ETFDH: variants seen among roughly 807,000 people sequenced by gnomAD.
ETFDH encodes the protein electron transfer flavoprotein-ubiquinone oxidoreductase, mitochondrial.
In ETFDH, 61 loss-of-function variants were observed where a neutral mutation model predicts 73.2. The observed-to-expected ratio is 0.83, with a 90% CI of 0.68 to 1.03. The LOEUF (loss-of-function observed/expected upper bound fraction) is 1.03. Ranked by LOEUF, ETFDH falls within the 50% of genes least tolerant of loss-of-function variation. The probability of loss-of-function intolerance (pLI) is 0.00; values close to 1 mark genes in which losing one functional copy is unlikely to be tolerated. For synonymous variants in ETFDH, 243 were observed against 253.3 expected, an observed-to-expected ratio of 0.96 and a Z score of 0.39; for missense variants, 685 against 745.0, an observed-to-expected ratio of 0.92 and a Z score of 0.94.
intron 1 of ETFDH, among the ~76,000 whole-genome samples, chr4:158,675,372 A>G (rs999214143): frequency 2.0e-5 from 3 of 152,146 alleles, no homozygotes; most frequent in African/African-American, 7.2e-5. Flanking sequence ...ATCAGTATTC[A>G]ATTTCTTCTT....
At chr4:158,688,365 C>A (rs34507326) in intron 5 of ETFDH, among the ~76,000 whole-genome samples, 3 of 141,992 alleles carry the variant, frequency 2.1e-5, no homozygotes, top group Admixed American at 1.4e-4. Flanking sequence ...GCACTCCAGC[C>A]TGGCAACAGA....
intron 5 of ETFDH, among the ~76,000 whole-genome samples, chr4:158,687,996 T>G (rs1774050149): frequency 6.6e-6 from 1 of 151,988 alleles, no homozygotes; most frequent in African/African-American, 2.4e-5. Context: ...GCCGAGATCA[T>G]GCCACTGCAC....
intron 6 of ETFDH, among the ~76,000 whole-genome samples, chr4:158,694,332 C>T (rs1359061756): frequency 6.6e-6 from 1 of 152,206 alleles, no homozygotes; most frequent in Non-Finnish European, 1.5e-5. Flanking sequence ...ATGGCTCACA[C>T]TTGTAATCCC....
At chr4:158,692,131 C>A (rs918602660) in intron 6 of ETFDH, among the ~76,000 whole-genome samples, 1 of 152,130 alleles carries the variant, frequency 6.6e-6, no homozygotes, top group African/African-American at 2.4e-5. Flanking sequence ...CAGTGGCTCA[C>A]GCCTGTAATC....
rs1202866591 is a variant in ETFDH at position 158,708,771 on chromosome 4, A to G, written c.*244A>G. ...TCAGTTCTTCAGAGATTCAGTACCA[A>G]GAGCAAAATTCACTACTGGACTTTA... On this transcript the variant is annotated 3_prime_UTR_variant, in exon 13 of 13. Transcript: ENST00000511912. 3 of 447,096 alleles carry G rather than the reference A, an allele frequency of 6.7e-6. No homozygotes were observed. Among genetic ancestry groups the G allele is most frequent in the Non-Finnish European group, 1.2e-5 (3 of 247,582 alleles). 27.7% of individuals were successfully genotyped at this position (447,096 alleles called of 1,614,324 possible). A position where few individuals can be genotyped will look rare whatever the true frequency, so the allele number is the denominator to read the frequency against.
intron 5 of ETFDH, among the ~76,000 whole-genome samples, chr4:158,685,634 T>C: frequency 6.6e-6 from 1 of 152,128 alleles, no homozygotes; most frequent in East Asian, 1.9e-4. Flanking sequence ...AGGGGTGGTA[T>C]AGGAGTTAAG....
intron 5 of ETFDH, 96 bp from the exon 6 acceptor site, chr4:158,690,252 T>G (rs191131834): frequency 1.3e-6 from 1 of 750,462 alleles, no homozygotes; most frequent in Non-Finnish European, 2.4e-6. Flanking sequence ...CTAGAGAAGA[T>G]GTTCACCTTC....
At chr4:158,692,888 A>AAAT (rs1554032445) in intron 6 of ETFDH, among the ~76,000 whole-genome samples, 5 of 119,100 alleles carry the variant, frequency 4.2e-5, no homozygotes, top group African/African-American at 1.6e-4. Context: ...AAAAAAAAAA[A>AAAT]ACATATATAT....
chr4:158,683,764 T>C (rs547833815), intron 3 of ETFDH, among the ~76,000 whole-genome samples: 3 of 152,028 alleles, frequency 2.0e-5, no homozygotes, highest in Non-Finnish European at 4.4e-5. Context: ...ATTTTTTTAG[T>C]ACAGACAGGA....
chr4:158,688,398 A>G (rs1464417379), intron 5 of ETFDH, among the ~76,000 whole-genome samples: 1 of 143,174 alleles, frequency 7.0e-6, no homozygotes, highest in African/African-American at 2.6e-5. Flanking sequence ...CTCAAAAAAA[A>G]AAAAAAAAAG....
chr4:158,673,079 G>A (rs187275172), intron 1 of ETFDH, among the ~76,000 whole-genome samples: 85 of 152,324 alleles, frequency 5.6e-4, no homozygotes, highest in African/African-American at 2.0e-3. Context: ...TGAGGCGGAT[G>A]GATCACCTGA....
In ETFDH at chr4:158,697,674, A is replaced by T; in HGVS notation, c.947A>T (p.Glu316Val). ...GSFLYHLNEG[E>V]PLVALGLVVG... ...TTCCTCTATCATTTGAATGAAGGTG[A>T]ACCCCTAGTAGCTCTTGGTCTTGTG... is the stretch of plus-strand genomic sequence containing the variant. Residue 316 changes from glutamate to valine, a missense_variant, in exon 8 of 13, where the codon GAA becomes GTA. This residue lies in a region of ETFDH where 405 missense variants were observed against 399.3 expected (regional missense o/e 1.01). Coordinates refer to ENST00000511912, the MANE Select transcript of ETFDH (RefSeq NM_004453.4). The T allele has an allele frequency of 6.2e-7, 1 of 1,613,950 alleles. No individual in the cohort carries two copies.
chr4:158,683,888 T>C (rs2150305913), intron 3 of ETFDH, among the ~76,000 whole-genome samples: 1 of 152,264 alleles, frequency 6.6e-6, no homozygotes, highest in Admixed American at 6.5e-5. Flanking sequence ...AGCCAGCAGG[T>C]ACAGTGTAAC....
At position 158,680,600 on chromosome 4, in the gene ETFDH, A is replaced by T. The variant is rs917824297; in HGVS notation, c.168A>T (p.Arg56Ser). The T allele has an allele frequency of 3.1e-6, 5 of 1,610,234 alleles. No homozygotes were observed. The highest frequency in any genetic ancestry group is 4.2e-6 in the Non-Finnish European group (5 of 1,176,594). Residue 56 changes from arginine to serine, a missense_variant, in exon 2 of 13, where the codon AGA (arginine) becomes AGT (serine). Coordinates refer to ENST00000511912, the MANE Select transcript of ETFDH (RefSeq NM_004453.4). ...TTTATCCCCGGGATAAGGACAAGAGATGGGAAGGTAAGTAATAATTTGTGT... is the reference window on the plus strand; with the variant it reads ...TTTATCCCCGGGATAAGGACAAGAGTTGGGAAGGTAAGTAATAATTTGTGT... The part of the protein sequence containing the change: ...YTIYPRDKDK[R>S]WEGVNMERFA...
chr4:158,686,957 AC>A (rs576295207), intron 5 of ETFDH, among the ~76,000 whole-genome samples: 2 of 152,332 alleles, frequency 1.3e-5, no homozygotes, highest in South Asian at 4.1e-4. Context: ...ACCCTGCCAC[AC>A]AATGGGGTAC....
chr4:158,685,767 T>C (rs921725212), intron 5 of ETFDH, among the ~76,000 whole-genome samples: 7 of 152,186 alleles, frequency 4.6e-5, no homozygotes, highest in African/African-American at 1.4e-4. Context: ...GATGACCCGA[T>C]AACCCAGTGA....
intron 9 of ETFDH, among the ~76,000 whole-genome samples, chr4:158,701,392 T>C (rs184867903): frequency 9.6e-4 from 146 of 152,362 alleles, no homozygotes; most frequent in African/African-American, 3.2e-3. Flanking sequence ...TTGTCTGCTC[T>C]GTGGTCCTGA....
At chr4:158,676,222 T>C (rs1773707692) in intron 1 of ETFDH, among the ~76,000 whole-genome samples, 1 of 152,070 alleles carries the variant, frequency 6.6e-6, no homozygotes, top group African/African-American at 2.4e-5. Context: ...ATTGGTCAGG[T>C]CAGAGGTGAA....
At chr4:158,697,102 A>AT (rs1000532136) in intron 7 of ETFDH, among the ~76,000 whole-genome samples, 83 of 147,564 alleles carry the variant, frequency 5.6e-4, no homozygotes, top group South Asian at 1.5e-3. Context: ...TTATTTTTTT[A>AT]TTTTTTTTTT....
Sources: gnomAD v4.1 joint callset for allele counts (sites outside exome capture counted in the v4.1 genomes callset) on GRCh38, gnomAD v4.1.1 for gene constraint, gnomAD v4.1.1 regional missense constraint, MANE v1.5 for transcripts, NCBI Gene and HGNC (gene_info 2026-07-23, HGNC 2026-07-21) for gene names.